PRPS2: variants seen among roughly 807,000 people sequenced by gnomAD.
PRPS2 encodes the protein ribose-phosphate pyrophosphokinase 2.
For missense variants in PRPS2, 104 were observed against 271.5 expected (o/e 0.38, Z 4.34); for synonymous variants, 111 against 115.3 (o/e 0.96, Z 0.24).
chrX:12,820,458 G>A (rs2042670116), intron 5 of PRPS2, among the ~76,000 whole-genome samples, 186 bp from the exon 6 acceptor site: 1 of 111,687 alleles, frequency 9.0e-6, no homozygotes, highest in Non-Finnish European at 1.9e-5. Flanking sequence ...GATAGTCCCC[G>A]ATTTAATGGA....
intron 2 of PRPS2, among the ~76,000 whole-genome samples, chrX:12,807,165 G>A (rs1237167894): frequency 8.9e-6 from 1 of 112,478 alleles, no homozygotes; most frequent in Non-Finnish European, 1.9e-5. Flanking sequence ...CCAAGCACTA[G>A]CATTTGGTGT....
At chrX:12,798,293 G>A (rs755117272) in intron 1 of PRPS2, among the ~76,000 whole-genome samples, 8 of 112,751 alleles carry the variant, frequency 7.1e-5, no homozygotes, top group Non-Finnish European at 1.1e-4. Context: ...AGTTAAAAAC[G>A]TACAGTCAAT....
At chrX:12,803,323 C>T (rs1029306551) in intron 2 of PRPS2, among the ~76,000 whole-genome samples, 13 of 112,415 alleles carry the variant, frequency 1.2e-4, no homozygotes, top group Admixed American at 7.5e-4. Flanking sequence ...GGTCTCGCTT[C>T]GTCACCCAGG....
chrX:12,817,320 T>C (rs1218198820), intron 4 of PRPS2, among the ~76,000 whole-genome samples: 1 of 110,811 alleles, frequency 9.0e-6, no homozygotes, highest in Non-Finnish European at 1.9e-5. Context: ...TTTCTTTGAG[T>C]GCAAATGTAC....
At chrX:12,802,621 G>T (rs931443405) in intron 2 of PRPS2, among the ~76,000 whole-genome samples, 1 of 112,174 alleles carries the variant, frequency 8.9e-6, no homozygotes, top group Non-Finnish European at 1.9e-5. Context: ...TTACAGGCAT[G>T]AGCCATCGCG....
intron 4 of PRPS2, among the ~76,000 whole-genome samples, chrX:12,811,184 A>G (rs900642587): frequency 2.7e-5 from 3 of 112,738 alleles, no homozygotes; most frequent in African/African-American, 9.7e-5. Flanking sequence ...TGTGCAGACA[A>G]CAGGGCAGCA....
intron 2 of PRPS2, among the ~76,000 whole-genome samples, chrX:12,804,289 G>C (rs1569095220): frequency 9.2e-6 from 1 of 108,840 alleles, no homozygotes; most frequent in East Asian, 2.9e-4. Flanking sequence ...TTATAGGTTT[G>C]CGCCACCACA....
Position 12,791,421 on chromosome X carries a change from G to A in PRPS2, c.-77G>A. ...GCGCTTTCCCGCTCCCGCAGCAGCA[G>A]CCTCCCGCGTCGCTGTCGCTGTTGC... On this transcript the variant is annotated 5_prime_UTR_variant, in exon 1 of 7. Coordinates refer to ENST00000380668, the MANE Select transcript of PRPS2 (RefSeq NM_002765.5). 1 of 1,122,512 alleles carries A rather than the reference G, an allele frequency of 8.9e-7. No homozygotes were observed. The highest frequency in any genetic ancestry group is 1.2e-6 in the Non-Finnish European group (1 of 843,175). 92.5% of individuals were successfully genotyped at this position (1,122,512 alleles called of 1,213,427 possible).
intron 2 of PRPS2, among the ~76,000 whole-genome samples, chrX:12,808,929 C>G (rs1203030086): frequency 8.9e-6 from 1 of 112,242 alleles, no homozygotes; most frequent in Non-Finnish European, 1.9e-5. Flanking sequence ...TTTCTACACA[C>G]TTACCATGAT....
chrX:12,808,802 C>T (rs748250349), intron 2 of PRPS2, among the ~76,000 whole-genome samples: 93 of 111,698 alleles, frequency 8.3e-4, no homozygotes, highest in Middle Eastern at 4.6e-3. Flanking sequence ...CACTATTCTC[C>T]TCGCCTTTGC....
chrX:12,803,576 C>T (rs1402525136), intron 2 of PRPS2, among the ~76,000 whole-genome samples: 3 of 112,877 alleles, frequency 2.7e-5, no homozygotes, highest in Non-Finnish European at 3.7e-5. Context: ...GGATTAAAAG[C>T]ATTACCACCA....
At position 12,810,256 on chromosome X, in the gene PRPS2, C is replaced by G. The variant is rs756430980; in HGVS notation, c.530+110C>G. 9 of 1,024,229 alleles carry G rather than the reference C, an allele frequency of 8.8e-6. No individual in the cohort carries two copies. The African/African-American group carries it at 1.3e-4, about 15-fold the overall frequency. The allele number at this position is 1,024,229 out of a possible 1,213,427, so 84.4% of individuals were successfully genotyped here. A position where few individuals can be genotyped will look rare whatever the true frequency, so the allele number is the denominator to read the frequency against. ...GTAAATTACTTAAAGCTTTATTTTGCTAATGAGCAAGTAAGTAGACCGCAG... is the reference window on the plus strand; with the variant it reads ...GTAAATTACTTAAAGCTTTATTTTGGTAATGAGCAAGTAAGTAGACCGCAG... On this transcript the variant is annotated intron_variant, in intron 4 of 6. Transcript: ENST00000380668.
chrX:12,804,545 AGGGG>A (rs2042584683), intron 2 of PRPS2, among the ~76,000 whole-genome samples: 1 of 111,233 alleles, frequency 9.0e-6, no homozygotes, highest in Admixed American at 9.6e-5. Context: ...TACTTTGGTG[AGGGG>A]AACTGGGATT....
intron 2 of PRPS2, among the ~76,000 whole-genome samples, chrX:12,806,015 G>A (rs1054638993): frequency 1.8e-5 from 2 of 109,480 alleles, no homozygotes; most frequent in African/African-American, 6.7e-5. Flanking sequence ...AGAGGTTGTA[G>A]TGCAGTGAGC....
chrX:12,804,206 A>G (rs777508442), intron 2 of PRPS2, among the ~76,000 whole-genome samples: 49 of 109,340 alleles, frequency 4.5e-4, no homozygotes, highest in African/African-American at 1.5e-3. Context: ...CAGTGGCACA[A>G]TCTTGGCTCA....
At chrX:12,817,626 G>C (rs766130255) in intron 4 of PRPS2, among the ~76,000 whole-genome samples, 2 of 111,438 alleles carry the variant, frequency 1.8e-5, no homozygotes, top group African/African-American at 3.3e-5. Context: ...GCAGTATTCA[G>C]TATAGCCAAA....
intron 1 of PRPS2, among the ~76,000 whole-genome samples, chrX:12,798,905 A>G (rs2042556448): frequency 8.9e-6 from 1 of 112,142 alleles, no homozygotes; most frequent in African/African-American, 3.2e-5. Context: ...TCCCTGGTAG[A>G]GAGCCCTTCA....
At chrX:12,795,722 A>G (rs757188209) in intron 1 of PRPS2, among the ~76,000 whole-genome samples, 1 of 112,440 alleles carries the variant, frequency 8.9e-6, no homozygotes, top group Non-Finnish European at 1.9e-5. Flanking sequence ...TTATGACCTA[A>G]TCACCTCTTA....
chrX:12,805,937 G>T (rs1003972306), intron 2 of PRPS2, among the ~76,000 whole-genome samples: 1 of 111,821 alleles, frequency 8.9e-6, no homozygotes, highest in Non-Finnish European at 1.9e-5. Flanking sequence ...GCCAGGCCTG[G>T]TGGCGTGTGC....
Sources: allele counts gnomAD v4.1 joint callset (sites outside exome capture counted in the v4.1 genomes callset), GRCh38; gene constraint gnomAD v4.1.1; transcripts MANE v1.5; gene names NCBI Gene and HGNC (gene_info 2026-07-23, HGNC 2026-07-21).